The following CRLS1 variants were observed in gnomAD, a reference collection of about 807,000 sequenced individuals.
CRLS1 encodes cardiolipin synthase (CMP-forming).
In CRLS1, 24 loss-of-function variants were observed where a neutral mutation model predicts 37.0. The ratio of observed to expected loss-of-function variants is 0.65; its 90% CI spans 0.47 to 0.91. The LOEUF is 0.91. Among genes scored for constraint, CRLS1 ranks in the 40% least tolerant of loss-of-function variants. The probability of loss-of-function intolerance (pLI) is 0.00; values close to 1 mark genes in which losing one functional copy is unlikely to be tolerated. For synonymous variants in CRLS1, 135 were observed against 159.7 expected, an observed-to-expected ratio of 0.85 and a Z score of 1.17; for missense variants, 373 against 395.8, an observed-to-expected ratio of 0.94 and a Z score of 0.49.
In CRLS1 at chr20:6,006,278, G is replaced by T; in HGVS notation, c.32G>T (p.Trp11Leu). The change falls in exon 1 of 7, where the codon TGG becomes TTG. Residue 11 changes from tryptophan to leucine, a missense_variant. Transcript: ENST00000378863. MLALRVARGS[W>L]GALRGAAWAP... ...GCCTTGCGCGTGGCGCGCGGCTCGT[G>T]GGGGGCCCTGCGCGGCGCCGCTTGG... 2.4e-6 allele frequency: 3 copies of T among 1,267,312 alleles called. No homozygotes were observed. The highest frequency in any genetic ancestry group is 3.0e-6 in the Non-Finnish European group (3 of 1,010,872). The allele number at this position is 1,267,312 out of a possible 1,614,324, so 78.5% of individuals were successfully genotyped here.
chr20:6,027,450 C>T (rs1469202101), intron 3 of CRLS1, among the ~76,000 whole-genome samples: 1 of 151,868 alleles, frequency 6.6e-6, no homozygotes, highest in East Asian at 1.9e-4. Flanking sequence ...CACTGTCACC[C>T]AGGCTGGAAT....
At chr20:6,019,751 T>A (rs1434165948) in intron 3 of CRLS1, among the ~76,000 whole-genome samples, 1 of 145,142 alleles carries the variant, frequency 6.9e-6, no homozygotes, top group Non-Finnish European at 1.5e-5. Flanking sequence ...AACCTCTGCC[T>A]CCTGGGTTCA....
At chr20:6,013,310 C>T (rs1436924961) in intron 2 of CRLS1, among the ~76,000 whole-genome samples, 1 of 150,280 alleles carries the variant, frequency 6.7e-6, no homozygotes, top group African/African-American at 2.4e-5. Context: ...CCTCAGCCTT[C>T]CAAGTAGCTG....
At chr20:6,029,594 G>A (rs1049797190) in intron 3 of CRLS1, among the ~76,000 whole-genome samples, 6 of 152,052 alleles carry the variant, frequency 3.9e-5, no homozygotes, top group South Asian at 2.1e-4. Context: ...CCTGACCTCC[G>A]GTGATCTGCC....
At chr20:6,016,454 G>T (rs28436095) in intron 3 of CRLS1, among the ~76,000 whole-genome samples, 1,153 of 114,602 alleles carry the variant, frequency 0.01, 6 homozygotes, top group Middle Eastern at 0.036. Context: ...GGGGAATGGG[G>T]GTGTGTGTGT....
chr20:6,030,146 AAAT>A (rs1463736975), intron 3 of CRLS1, among the ~76,000 whole-genome samples: 2 of 151,942 alleles, frequency 1.3e-5, no homozygotes, highest in African/African-American at 4.8e-5. Context: ...CCCTTTTTAA[AAAT>A]AATAATTTTT....
intron 3 of CRLS1, among the ~76,000 whole-genome samples, chr20:6,016,771 G>C (rs1405962117): frequency 6.6e-6 from 1 of 152,128 alleles, no homozygotes; most frequent in African/African-American, 2.4e-5. Flanking sequence ...GGCAATCTTA[G>C]AGTTTCCATT....
chr20:6,018,316 G>A (rs541654002), intron 3 of CRLS1, among the ~76,000 whole-genome samples: 1 of 151,058 alleles, frequency 6.6e-6, no homozygotes, highest in South Asian at 2.1e-4. Flanking sequence ...AGCGAAACTT[G>A]CTAACTTGTA....
Position 6,007,287 on chromosome 20 carries a change from G to T in CRLS1, c.306+735G>T, listed in dbSNP as rs189407353. On this transcript the variant is annotated intron_variant, in intron 1 of 6. Transcript: ENST00000378863. ...CATGGGTTGAGGTGGCCAGATCCTGGCAGGGGTCTCAACTCCACTGATAGC... is the reference window on the plus strand; with the variant it reads ...CATGGGTTGAGGTGGCCAGATCCTGTCAGGGGTCTCAACTCCACTGATAGC... 173 of 1,563,668 alleles carry T rather than the reference G, an allele frequency of 1.1e-4. 1 individual carries two copies. In the South Asian group the frequency reaches 1.9e-3, roughly 17 times the overall value.
chr20:6,031,881 C>A, intron 4 of CRLS1, 131 bp from the exon 5 acceptor site: 1 of 595,550 alleles, frequency 1.7e-6, no homozygotes, highest in South Asian at 2.7e-5. Context: ...AATCAATATT[C>A]AGTATATATT....
intron 3 of CRLS1, among the ~76,000 whole-genome samples, chr20:6,024,355 A>G (rs1979507419): frequency 6.6e-6 from 1 of 152,166 alleles, no homozygotes; most frequent in Non-Finnish European, 1.5e-5. Context: ...GTTACTGTCT[A>G]ATTGCTTTGG....
At chr20:6,027,919 CT>C (rs1025148434) in intron 3 of CRLS1, among the ~76,000 whole-genome samples, 3 of 152,170 alleles carry the variant, frequency 2.0e-5, no homozygotes, top group Non-Finnish European at 2.9e-5. Flanking sequence ...GAATTCCTTT[CT>C]AAAGGACTTA....
At chr20:6,026,341 GTA>G (rs58191763) in intron 3 of CRLS1, 19,157 of 138,660 alleles carry the variant, frequency 0.14, 1,252 homozygotes, top group Middle Eastern at 0.25. Flanking sequence ...GTGTGTGTGT[GTA>G]TATATATATA....
At chr20:6,021,168 G>T (rs999137043) in intron 3 of CRLS1, among the ~76,000 whole-genome samples, 1 of 151,116 alleles carries the variant, frequency 6.6e-6, no homozygotes, top group Non-Finnish European at 1.5e-5. Flanking sequence ...CTGGGTCCAA[G>T]TGATTCTCCT....
At chr20:6,014,572 A>T (rs1978593202) in intron 2 of CRLS1, among the ~76,000 whole-genome samples, 1 of 152,236 alleles carries the variant, frequency 6.6e-6, no homozygotes, top group African/African-American at 2.4e-5. Context: ...AATAGACAGT[A>T]CTTGATTTCA....
chr20:6,011,363 T>C (rs928624059), intron 2 of CRLS1, among the ~76,000 whole-genome samples: 15 of 152,084 alleles, frequency 9.9e-5, no homozygotes, highest in African/African-American at 2.9e-4. Context: ...CTAGTAGCAG[T>C]AGCATTGGTG....
chr20:6,006,121 G>A (rs2090049557), upstream of CRLS1: 4 of 450,382 alleles, frequency 8.9e-6, no homozygotes, highest in East Asian at 1.2e-4. Context: ...GGTGTGTAAA[G>A]TAGTATGGAG....
intron 3 of CRLS1, among the ~76,000 whole-genome samples, chr20:6,018,512 T>C (rs532540054): frequency 1.3e-5 from 2 of 152,348 alleles, no homozygotes; most frequent in East Asian, 3.9e-4. Context: ...CCCAACCTCA[T>C]AGAAAAGCCT....
At chr20:6,035,459 T>A (rs976431829) in intron 6 of CRLS1, among the ~76,000 whole-genome samples, 7 of 152,174 alleles carry the variant, frequency 4.6e-5, no homozygotes, top group African/African-American at 1.7e-4. Context: ...TTAGATATTT[T>A]CCCTAGTCTT....
Sources: allele counts gnomAD v4.1 joint callset (sites outside exome capture counted in the v4.1 genomes callset), GRCh38; gene constraint gnomAD v4.1.1; transcripts MANE v1.5; gene names NCBI Gene and HGNC (gene_info 2026-07-23, HGNC 2026-07-21).